Variants in FOXP1 observed in about 807,000 individuals in gnomAD.
FOXP1 encodes the protein forkhead box protein P1.
Under a neutral mutation model 98.2 loss-of-function variants are expected in FOXP1, and 15 were observed. That is an observed-to-expected ratio of 0.15 (90% CI 0.10 to 0.24). The LOEUF is 0.24. FOXP1 is among the 10% of genes least tolerant of loss of function. The pLI is 1.00. For missense variants in FOXP1, 633 were observed against 848.5 expected (o/e 0.75, Z 3.15); for synonymous variants, 371 against 314.5 (o/e 1.18, Z -1.90).
At chr3:71,425,924 C>A (rs1393699149) in intron 3 of FOXP1, among the ~76,000 whole-genome samples, 1 of 152,158 alleles carries the variant, frequency 6.6e-6, no homozygotes, top group African/African-American at 2.4e-5. Flanking sequence ...TATAGCTGAA[C>A]CACATCAATC....
At chr3:71,566,912 C>G (rs1489796963) in intron 2 of FOXP1, among the ~76,000 whole-genome samples, 1 of 152,136 alleles carries the variant, frequency 6.6e-6, no homozygotes, top group African/African-American at 2.4e-5. Flanking sequence ...GAAACACACA[C>G]ACACCCATCT....
chr3:71,268,240 G>A (rs537642437), intron 5 of FOXP1, among the ~76,000 whole-genome samples: 100 of 151,648 alleles, frequency 6.6e-4, no homozygotes, highest in African/African-American at 1.9e-3. Context: ...ATAGGCGCCC[G>A]CCACCTCGCC....
chr3:71,437,470 A>G (rs2085476043), intron 3 of FOXP1, among the ~76,000 whole-genome samples: 1 of 152,176 alleles, frequency 6.6e-6, no homozygotes, highest in African/African-American at 2.4e-5. Flanking sequence ...CAGAGTTTGG[A>G]GGTACAAGAA....
intron 2 of FOXP1, among the ~76,000 whole-genome samples, chr3:71,561,407 CAA>C (rs56792827): frequency 0.04 from 1,616 of 40,284 alleles, 29 homozygotes; most frequent in African/African-American, 0.094. Flanking sequence ...TAAAGCTGGC[CAA>C]AAAAAAAAAA....
intron 5 of FOXP1, among the ~76,000 whole-genome samples, chr3:71,237,957 T>A (rs530462983): frequency 1.3e-5 from 2 of 152,324 alleles, no homozygotes; most frequent in South Asian, 4.1e-4. Flanking sequence ...CTGCCAGGAA[T>A]TGACGTTATA....
rs17043923 is a variant in FOXP1, at chr3:71,418,279, C to A, written c.-167-59035G>T. Among the ~76,000 whole-genome samples the A allele has an allele frequency of 9.3e-3, 1,418 of 152,238 alleles. 27 individuals carry two copies. The highest frequency in any genetic ancestry group is 0.033 in the African/African-American group (1,366 of 41,532). On this transcript the variant is annotated intron_variant, in intron 3 of 20. Transcript: ENST00000649528. ...TATTAGCAAAAACAATCAAACCCTC[C>A]AAGCTGGCACAAGGCTCAACTCAAC...
At chr3:71,191,107 G>A (rs1488075605) in intron 6 of FOXP1, among the ~76,000 whole-genome samples, 2 of 152,236 alleles carry the variant, frequency 1.3e-5, no homozygotes, top group East Asian at 1.9e-4. Context: ...TCCATCAGGC[G>A]AGCTATAGGT....
intron 6 of FOXP1, among the ~76,000 whole-genome samples, chr3:71,118,728 GCTTA>G (rs1193159334): frequency 1.3e-5 from 2 of 152,070 alleles, no homozygotes; most frequent in Non-Finnish European, 1.5e-5. Context: ...AATGGTTTTT[GCTTA>G]CTTAAATGGT....
At chr3:71,246,496 G>C (rs1227071134) in intron 5 of FOXP1, among the ~76,000 whole-genome samples, 14 of 152,186 alleles carry the variant, frequency 9.2e-5, no homozygotes, top group Non-Finnish European at 8.8e-5. Flanking sequence ...CCTCTGGGCT[G>C]CCCTCTAAAC....
rs1243600714 is a variant in FOXP1 at position 71,427,047 on chromosome 3, C to A, written c.-168+66379G>T. 2.1e-5 allele frequency among the ~76,000 whole-genome samples: 3 copies of A among 144,076 alleles called. No individual in the cohort carries two copies. The East Asian group carries it at 6.0e-4, about 29-fold the overall frequency. The allele number at this position is 144,076 out of a possible 152,430, so 94.5% of individuals were successfully genotyped here. On this transcript the variant is annotated intron_variant, in intron 3 of 20. Coordinates refer to ENST00000649528, the MANE Select transcript of FOXP1 (RefSeq NM_001349338.3). ...CTGCACTCTGGCCTGGGTGACAGAG[C>A]GAGACTCCATCTCAAAAAAAAAAAA...
chr3:71,541,800 C>T (rs917988710), intron 2 of FOXP1, among the ~76,000 whole-genome samples: 7 of 152,156 alleles, frequency 4.6e-5, no homozygotes, highest in African/African-American at 1.7e-4. Context: ...TGCAGAGATG[C>T]TATTCTTATT....
At chr3:71,137,772 T>TTCTA (rs1477002719) in intron 6 of FOXP1, among the ~76,000 whole-genome samples, 1 of 43,776 alleles carries the variant, frequency 2.3e-5, no homozygotes, top group East Asian at 1.2e-3. Context: ...CAAAAGATAA[T>TTCTA]TCTATTTATT....
intron 5 of FOXP1, among the ~76,000 whole-genome samples, chr3:71,264,634 G>A (rs1429570765): frequency 6.6e-6 from 1 of 152,070 alleles, no homozygotes; most frequent in Non-Finnish European, 1.5e-5. Context: ...TATATTAGAG[G>A]GTCAGGGAGG....
At chr3:71,505,348 G>C (rs1273961610) in intron 2 of FOXP1, among the ~76,000 whole-genome samples, 1 of 151,384 alleles carries the variant, frequency 6.6e-6, no homozygotes, top group Non-Finnish European at 1.5e-5. Flanking sequence ...CAGGAGACAA[G>C]GAGGGAGTTT....
chr3:71,029,234 C>G (rs1405160572), intron 11 of FOXP1, among the ~76,000 whole-genome samples: 1 of 152,116 alleles, frequency 6.6e-6, no homozygotes, highest in African/African-American at 2.4e-5. Context: ...AATTTAGGGC[C>G]TACTATATGC....
intron 20 of FOXP1, among the ~76,000 whole-genome samples, chr3:70,959,694 T>G (rs2032785298): frequency 6.6e-6 from 1 of 152,164 alleles, no homozygotes; most frequent in South Asian, 2.1e-4. Context: ...TTCTCTTGGG[T>G]AGTGATGCTC....
At chr3:71,131,165 C>G (rs1346591443) in intron 6 of FOXP1, among the ~76,000 whole-genome samples, 1 of 152,082 alleles carries the variant, frequency 6.6e-6, no homozygotes, top group African/African-American at 2.4e-5. Context: ...CTGGATCTGG[C>G]TTTGACTGGC....
chr3:71,027,288 A>AT (rs1433106892), intron 11 of FOXP1, among the ~76,000 whole-genome samples: 1 of 152,116 alleles, frequency 6.6e-6, no homozygotes, highest in Non-Finnish European at 1.5e-5. Flanking sequence ...ATTAATTCTT[A>AT]TTTTCTTCCC....
intron 3 of FOXP1, among the ~76,000 whole-genome samples, chr3:71,456,170 T>C (rs937513172): frequency 1.3e-5 from 2 of 152,112 alleles, no homozygotes; most frequent in Non-Finnish European, 2.9e-5. Context: ...CTAGCAAAGA[T>C]ATATGGGGCA....
Sources: allele counts gnomAD v4.1 joint callset (sites outside exome capture counted in the v4.1 genomes callset), GRCh38; gene constraint gnomAD v4.1.1; transcripts MANE v1.5; gene names NCBI Gene and HGNC (gene_info 2026-07-23, HGNC 2026-07-21).